Variants in ST6GALNAC3 observed in about 807,000 individuals in gnomAD.
ST6GALNAC3 encodes alpha-N-acetylgalactosaminide alpha-2,6-sialyltransferase 3.
Under a neutral mutation model 32.7 loss-of-function variants are expected in ST6GALNAC3, and 25 were observed. That is an observed-to-expected ratio of 0.76 (90% CI 0.56 to 1.07). ST6GALNAC3 has a LOEUF of 1.07. Among genes scored for constraint, ST6GALNAC3 ranks in the 50% least tolerant of loss-of-function variants. The pLI is 0.00. For missense variants in ST6GALNAC3, 355 were observed against 382.4 expected (o/e 0.93, Z 0.60); for synonymous variants, 129 against 133.1 (o/e 0.97, Z 0.21).
chr1:76,108,346 C>T (rs1226136991), intron 1 of ST6GALNAC3, among the ~76,000 whole-genome samples: 3 of 152,162 alleles, frequency 2.0e-5, no homozygotes. Context: ...TCACAGAATA[C>T]ATAACATGGT....
In ST6GALNAC3 at chr1:76,111,327, TAGTG is replaced by T. The variant is rs202000534; in HGVS notation, c.18+36446_18+36449del. 5.8e-3 allele frequency among the ~76,000 whole-genome samples: 879 copies of T among 152,218 alleles called. 11 individuals carry two copies. The highest frequency in any genetic ancestry group is 0.02 in the African/African-American group (838 of 41,526). ...CCCACCCAGAAAACTGTAGACGTCT[TAGTG>T]AGAGGTTTGCATCTCCACTGGACAT... On this transcript the variant is annotated intron_variant, in intron 1 of 4. Coordinates refer to ENST00000328299, the MANE Select transcript of ST6GALNAC3 (RefSeq NM_152996.4).
chr1:76,545,020 G>A (rs1173631752), intron 3 of ST6GALNAC3, among the ~76,000 whole-genome samples: 1 of 152,136 alleles, frequency 6.6e-6, no homozygotes, highest in African/African-American at 2.4e-5. Flanking sequence ...GCAGATCAGT[G>A]AGAACTTTGT....
chr1:76,446,978 C>A (rs190422850), intron 3 of ST6GALNAC3, among the ~76,000 whole-genome samples: 5 of 152,140 alleles, frequency 3.3e-5, no homozygotes, highest in African/African-American at 4.8e-5. Context: ...TGAAAAGATA[C>A]CTAAAAACGT....
intron 2 of ST6GALNAC3, among the ~76,000 whole-genome samples, chr1:76,373,233 G>A (rs1406979070): frequency 6.6e-6 from 1 of 152,242 alleles, no homozygotes; most frequent in Admixed American, 6.5e-5. Flanking sequence ...AGCAAACTCG[G>A]GTTCAAATTA....
At chr1:76,524,138 A>G (rs1251906287) in intron 3 of ST6GALNAC3, among the ~76,000 whole-genome samples, 5 of 152,176 alleles carry the variant, frequency 3.3e-5, no homozygotes, top group Admixed American at 2.0e-4. Flanking sequence ...ACTAATCTTC[A>G]TGCAACAAAA....
At chr1:76,552,832 T>A (rs1415298205) in intron 3 of ST6GALNAC3, among the ~76,000 whole-genome samples, 2 of 152,192 alleles carry the variant, frequency 1.3e-5, no homozygotes, top group African/African-American at 4.8e-5. Flanking sequence ...AATGGTAACT[T>A]TATGTTGCAT....
chr1:76,337,687 C>T (rs760798173), intron 2 of ST6GALNAC3, among the ~76,000 whole-genome samples: 20 of 152,006 alleles, frequency 1.3e-4, no homozygotes, highest in Non-Finnish European at 2.8e-4. Flanking sequence ...AACAAGATCC[C>T]AAGGTTTATT....
At chr1:76,306,306 G>A (rs1661048888) in intron 1 of ST6GALNAC3, among the ~76,000 whole-genome samples, 1 of 152,100 alleles carries the variant, frequency 6.6e-6, no homozygotes, top group East Asian at 1.9e-4. Context: ...TCTTATTGTA[G>A]GCAGTTTGTA....
intron 1 of ST6GALNAC3, among the ~76,000 whole-genome samples, chr1:76,143,145 T>G (rs1650439178): frequency 6.6e-6 from 1 of 152,208 alleles, no homozygotes; most frequent in East Asian, 1.9e-4. Flanking sequence ...AACCTATTTT[T>G]GTACTTAATG....
chr1:76,420,862 C>G (rs999279890), intron 3 of ST6GALNAC3, among the ~76,000 whole-genome samples: 1 of 152,072 alleles, frequency 6.6e-6, no homozygotes, highest in African/African-American at 2.4e-5. Flanking sequence ...CATGAAGCCT[C>G]TTGTAATATC....
intron 1 of ST6GALNAC3, among the ~76,000 whole-genome samples, chr1:76,311,668 TC>T (rs1209179012): frequency 6.6e-6 from 1 of 152,200 alleles, no homozygotes; most frequent in Non-Finnish European, 1.5e-5. Context: ...ATTTTCTTTA[TC>T]CAGTCTGTCA....
intron 3 of ST6GALNAC3, among the ~76,000 whole-genome samples, chr1:76,466,238 A>G (rs564086200): frequency 1.3e-4 from 20 of 152,216 alleles, no homozygotes; most frequent in African/African-American, 4.8e-4. Context: ...GGAGATATGA[A>G]CTTGTATCAG....
intron 3 of ST6GALNAC3, among the ~76,000 whole-genome samples, chr1:76,540,632 T>C (rs980810869): frequency 2.0e-5 from 3 of 152,168 alleles, no homozygotes; most frequent in Non-Finnish European, 2.9e-5. Context: ...AGTTCTTAGC[T>C]GAAGCTGCCG....
chr1:76,395,100 T>A (rs1290125293), intron 2 of ST6GALNAC3, among the ~76,000 whole-genome samples: 1 of 152,206 alleles, frequency 6.6e-6, no homozygotes, highest in African/African-American at 2.4e-5. Context: ...ATGCCACTAC[T>A]GCTCTATCAA....
chr1:76,475,778 G>A (rs1659311455), intron 3 of ST6GALNAC3, among the ~76,000 whole-genome samples: 5 of 152,054 alleles, frequency 3.3e-5, no homozygotes, highest in Admixed American at 2.0e-4. Flanking sequence ...GCATACACGT[G>A]GCATGGTGGT....
At chr1:76,346,706 A>G (rs940688524) in intron 2 of ST6GALNAC3, among the ~76,000 whole-genome samples, 4 of 151,930 alleles carry the variant, frequency 2.6e-5, no homozygotes, top group Non-Finnish European at 4.4e-5. Flanking sequence ...TAGTTTTGAG[A>G]CCTTGGCCAA....
intron 2 of ST6GALNAC3, among the ~76,000 whole-genome samples, chr1:76,410,275 G>T (rs1654137786): frequency 6.6e-6 from 1 of 152,032 alleles, no homozygotes; most frequent in African/African-American, 2.4e-5. Context: ...TTCCTTTCCT[G>T]CCTCAGGGTA....
At chr1:76,333,198 C>T (rs1216326480) in intron 2 of ST6GALNAC3, among the ~76,000 whole-genome samples, 1 of 152,078 alleles carries the variant, frequency 6.6e-6, no homozygotes, top group Admixed American at 6.6e-5. Flanking sequence ...TGTGGTTCTC[C>T]TCAATTGTGG....
At chr1:76,579,766 G>A (rs1407255996) in intron 3 of ST6GALNAC3, among the ~76,000 whole-genome samples, 3 of 152,020 alleles carry the variant, frequency 2.0e-5, no homozygotes, top group Non-Finnish European at 2.9e-5. Flanking sequence ...ACTGTACTTA[G>A]TAGTTAGATC....
Sources: gnomAD v4.1 joint callset for allele counts (sites outside exome capture counted in the v4.1 genomes callset) on GRCh38, gnomAD v4.1.1 for gene constraint, MANE v1.5 for transcripts, NCBI Gene and HGNC (gene_info 2026-07-23, HGNC 2026-07-21) for gene names.